The following FIBP variants were observed in gnomAD, a reference collection of about 807,000 sequenced individuals.
The protein encoded by FIBP is acidic fibroblast growth factor intracellular-binding protein.
In FIBP, 29 loss-of-function variants were observed where a neutral mutation model predicts 40.5. That is an observed-to-expected ratio of 0.72 (90% CI 0.53 to 0.98). The LOEUF is 0.98. Among genes scored for constraint, FIBP ranks in the 50% least tolerant of loss-of-function variants. The pLI is 0.00. For missense variants in FIBP, 411 were observed against 470.2 expected (o/e 0.87, Z 1.16); for synonymous variants, 215 against 191.1 (o/e 1.13, Z -1.03).
Position 65,887,941 on chromosome 11 carries a change from T to A in FIBP, c.277A>T (p.Ile93Phe). The A allele has an allele frequency of 1.2e-6, 2 of 1,613,146 alleles. No individual in the cohort carries two copies. Among genetic ancestry groups the A allele is most frequent in the Non-Finnish European group, 1.7e-6 (2 of 1,179,424 alleles). The stretch of plus-strand genomic sequence containing the variant: ...ATCCCAGAGGGTGAGCACCTCTCGA[T>A]GAGTAGTGCCTGCCGGGAGGGCGGA... ...QIPPSRQALL[I>F]ERYYAFDEAF... Residue 93 changes from isoleucine (I) to phenylalanine (F), a missense_variant, in exon 2 of 10, where the codon ATC (isoleucine) becomes TTC (phenylalanine). Coordinates refer to ENST00000357519, the MANE Select transcript of FIBP (RefSeq NM_004214.5).
At position 65,883,850 on chromosome 11, in the gene FIBP, A is replaced by G. The variant is rs1860155297; in HGVS notation, c.*124T>C. 5 of 848,234 alleles carry G rather than the reference A, an allele frequency of 5.9e-6. No individual in the cohort carries two copies. Among genetic ancestry groups the G allele is most frequent in the Non-Finnish European group, 7.5e-6 (4 of 531,924 alleles). 52.5% of individuals were successfully genotyped at this position (848,234 alleles called of 1,614,324 possible). ...TACACATCCATCCTTGTACACGGACACCAGGTGCTCAGAGACAGACACAGG... is the reference window on the plus strand; with the variant it reads ...TACACATCCATCCTTGTACACGGACGCCAGGTGCTCAGAGACAGACACAGG... On this transcript the variant is annotated 3_prime_UTR_variant, in exon 10 of 10. Coordinates refer to ENST00000357519, the MANE Select transcript of FIBP (RefSeq NM_004214.5).
In FIBP at chr11:65,887,599, C is replaced by T; in HGVS notation, c.411+1G>A. 2 of 1,614,002 alleles carry T rather than the reference C, an allele frequency of 1.2e-6. No homozygotes were observed. Among genetic ancestry groups the T allele is most frequent in the East Asian group, 2.2e-5 (1 of 44,874 alleles). On this transcript the variant is annotated splice_donor_variant, in intron 3 of 9. Coordinates refer to ENST00000357519, the MANE Select transcript of FIBP (RefSeq NM_004214.5). LOFTEE classifies it high-confidence loss of function. ...TGTGTCCGTGTGGATGCAGTGCATA[C>T]CTGTCTCCGGCAGCTCTTGAGGGTG... is the stretch of plus-strand genomic sequence containing the variant.
In FIBP at chr11:65,886,380, G is replaced by T. The variant is rs11559154; in HGVS notation, c.454C>A (p.Arg152=). The T allele has an allele frequency of 6.2e-7, 1 of 1,613,924 alleles. No homozygotes were observed. Among genetic ancestry groups the T allele is most frequent in the South Asian group, 1.1e-5 (1 of 91,068 alleles). Residue 152 remains arginine (R), a synonymous_variant, in exon 4 of 10, where the codon CGG becomes AGG. Transcript: ENST00000357519. ...KRVFKVVEEM[R]GSLVDNIQQH... ...TGAATATTGTCCACCAGGGAGCCCC[G>T]CATTTCCTCTACCACCTTGAAGACC...
chr11:65,885,793 CAA>C, intron 4 of FIBP, 130 bp from the exon 5 acceptor site: 1 of 893,122 alleles, frequency 1.1e-6, no homozygotes, highest in East Asian at 2.4e-5. Context: ...TGACGTGTCT[CAA>C]GTCACTTCTC....
rs1860266017 is a variant in FIBP, at chr11:65,887,465, G to C, written c.411+135C>G. ...CATCTCGAAAAAAAAAAAAAAAAAG[G>C]AGGGGAAAGGGGAAGGGAGGAGAAG... is the stretch of plus-strand genomic sequence containing the variant. On this transcript the variant is annotated intron_variant, in intron 3 of 9. Coordinates refer to ENST00000357519, the MANE Select transcript of FIBP (RefSeq NM_004214.5). The C allele has an allele frequency of 1.5e-4, 138 of 949,926 alleles. No individual in the cohort carries two copies. In the South Asian group the frequency reaches 1.9e-3, roughly 13 times the overall value. 58.8% of individuals were successfully genotyped at this position (949,926 alleles called of 1,614,324 possible).
At position 65,885,004 on chromosome 11, in the gene FIBP, G is replaced by A; in HGVS notation, c.756-6C>T. The A allele has an allele frequency of 6.2e-7, 1 of 1,614,174 alleles. No homozygotes were observed. The highest frequency in any genetic ancestry group is 8.5e-7 in the Non-Finnish European group (1 of 1,180,020). On this transcript the variant is annotated splice_region_variant and splice_polypyrimidine_tract_variant and intron_variant, in intron 6 of 9. Coordinates refer to ENST00000357519, the MANE Select transcript of FIBP (RefSeq NM_004214.5). The stretch of plus-strand genomic sequence containing the variant: ...GGAGAGCAGTGCACACCAGGCTGCA[G>A]AGAGACAGGGTCACGCCTATAGCCA...
Position 65,885,536 on chromosome 11 carries a change from C to T in FIBP, c.640G>A (p.Ala214Thr), listed in dbSNP as rs1368092635. ...ELMIQNWTLG[A>T]VDSQMDDMDM... ...GGGTCAGTGGGGGCCTCACCGACGG[C>T]TCCAAGGGTCCAGTTTTGGATCATG... The change falls in exon 5 of 10, where the codon GCC (alanine) becomes ACC (threonine). Residue 214 changes from alanine (A) to threonine (T), a missense_variant. Transcript: ENST00000357519. 6.2e-7 allele frequency: 1 copy of T among 1,613,840 alleles called. No individual in the cohort carries two copies. Among genetic ancestry groups the T allele is most frequent in the Admixed American group, 1.7e-5 (1 of 59,952 alleles).
intron 4 of FIBP, chr11:65,886,121 G>A: frequency 1.9e-6 from 1 of 524,562 alleles, no homozygotes; most frequent in Non-Finnish European, 3.4e-6. Flanking sequence ...AGCCAAGATT[G>A]CACCATTGCA....
At chr11:65,885,396 AG>A in intron 5 of FIBP, 133 bp downstream of exon 5, 2 of 1,120,742 alleles carry the variant, frequency 1.8e-6, no homozygotes, top group Non-Finnish European at 2.6e-6. Flanking sequence ...TTCTATGGGC[AG>A]GGGGAGCCTG....
At chr11:65,884,527 C>G (rs1460502929) in intron 8 of FIBP, 38 bp from the exon 9 acceptor site, 3 of 1,613,958 alleles carry the variant, frequency 1.9e-6, no homozygotes, top group Middle Eastern at 3.3e-4. Flanking sequence ...TTGTATAGGC[C>G]AGGGACAGAC....
chr11:65,884,433 C>G lies in FIBP; in HGVS notation c.963G>C (p.Leu321=). Residue 321 remains leucine (L), a synonymous_variant, in exon 9 of 10, where the codon CTG becomes CTC. Transcript: ENST00000357519. Reference sequence around the variant, plus strand: ...AGTGGACAGACGCTGAATACTGATTCAGGAAGAACCGCACGTCGCTGAGTG... The same window carrying G: ...AGTGGACAGACGCTGAATACTGATTGAGGAAGAACCGCACGTCGCTGAGTG... ...HWPLSDVRFF[L]NQYSASVHSL... is the part of the protein sequence containing the mutation. 1 of 1,614,154 alleles carries G rather than the reference C, an allele frequency of 6.2e-7. No individual in the cohort carries two copies. The highest frequency in any genetic ancestry group is 1.1e-5 in the South Asian group (1 of 91,074).
intron 4 of FIBP, chr11:65,885,931 T>C (rs1860224017): frequency 2.1e-6 from 1 of 476,708 alleles, no homozygotes; most frequent in Non-Finnish European, 3.8e-6. Context: ...GGCTGTGCCA[T>C]GGGCTTTACA....
rs1375580306 is a variant in FIBP, at chr11:65,888,289, C to G, written c.85+45G>C. The stretch of plus-strand genomic sequence containing the variant: ...TAGCCCCGCCCCCTCTCCCATTCAA[C>G]ACAACCGCTCCGCCGACTGGCTTCC... On this transcript the variant is annotated intron_variant, in intron 1 of 9. Transcript: ENST00000357519. The G allele has an allele frequency of 3.3e-6, 5 of 1,531,120 alleles. No individual in the cohort carries two copies. In the South Asian group the frequency reaches 3.6e-5, roughly 11 times the overall value. 94.8% of individuals were successfully genotyped at this position (1,531,120 alleles called of 1,614,324 possible).
intron 2 of FIBP, 77 bp downstream of exon 2, chr11:65,887,857 C>A: frequency 1.3e-6 from 2 of 1,586,702 alleles, no homozygotes; most frequent in Non-Finnish European, 1.7e-6. Flanking sequence ...CCCATCCCTC[C>A]CTGGGCCTGT....
Position 65,884,089 on chromosome 11 carries a change from C to T in FIBP, c.1005-46G>A, listed in dbSNP as rs780770250. 14 of 1,468,528 alleles carry T rather than the reference C, an allele frequency of 9.5e-6. No homozygotes were observed. The East Asian group carries it at 1.6e-4, about 17-fold the overall frequency. 91.0% of individuals were successfully genotyped at this position (1,468,528 alleles called of 1,614,324 possible). ...ACAGCTGAGTTTTCACAACACTCACCGTGATGGAGGCCCTGCCCTGCGTGC... is the reference window on the plus strand; with the variant it reads ...ACAGCTGAGTTTTCACAACACTCACTGTGATGGAGGCCCTGCCCTGCGTGC... On this transcript the variant is annotated intron_variant, in intron 9 of 9. Transcript: ENST00000357519.
chr11:65,885,726 C>A, intron 4 of FIBP, 63 bp from the exon 5 acceptor site: 1 of 1,501,548 alleles, frequency 6.7e-7, no homozygotes, highest in Non-Finnish European at 9.1e-7. Context: ...GCAGCTCCCA[C>A]CTGCAACCTC....
chr11:65,883,779 C>A lies in FIBP; in HGVS notation c.*195G>T. The A allele has an allele frequency of 1.3e-6, 1 of 753,078 alleles. No homozygotes were observed. 46.6% of individuals were successfully genotyped at this position (753,078 alleles called of 1,614,324 possible). A position where few individuals can be genotyped will look rare whatever the true frequency, so the allele number is the denominator to read the frequency against. On this transcript the variant is annotated 3_prime_UTR_variant, in exon 10 of 10. Transcript: ENST00000357519. ...ACTCTTCTGGTGGATGGGCTGAGCA[C>A]AGACACCATTCCCTGAGATATGTCT...
At position 65,884,191 on chromosome 11, in the gene FIBP, G is replaced by A. The variant is rs36090851; in HGVS notation, c.1005-148C>T. 2.4e-3 allele frequency: 1,852 copies of A among 768,594 alleles called. 26 individuals carry two copies. The African/African-American group carries it at 0.029, about 12-fold the overall frequency. The allele number at this position is 768,594 out of a possible 1,614,324, so 47.6% of individuals were successfully genotyped here. On this transcript the variant is annotated intron_variant, in intron 9 of 9. Coordinates refer to ENST00000357519, the MANE Select transcript of FIBP (RefSeq NM_004214.5). ...ATGATGAACCCTAGTTTGTACATGA[G>A]GAAACTGAGGCATGGAGAGGTTAAG...
At chr11:65,886,190 AGTACAGACC>A in intron 4 of FIBP, 123 bp downstream of exon 4, 24 of 502,880 alleles carry the variant, frequency 4.8e-5, no homozygotes, top group South Asian at 8.8e-5. Context: ...AAAAAAAAAA[AGTACAGACC>A]AAAAGTGGGA....
Sources: allele counts gnomAD v4.1 joint callset, GRCh38; gene constraint gnomAD v4.1.1; transcripts MANE v1.5; gene names NCBI Gene and HGNC (gene_info 2026-07-23, HGNC 2026-07-21).